OTC: variants seen among roughly 807,000 people sequenced by gnomAD.
OTC encodes ornithine transcarbamylase.
OTC carries 3 observed loss-of-function variants against 30.3 expected under a neutral mutation model. The observed-to-expected ratio is 0.10, with a 90% CI of 0.05 to 0.26. OTC has a LOEUF of 0.26. Ranked by LOEUF, OTC falls within the 10% of genes least tolerant of loss-of-function variation. The pLI is 1.00. For missense variants in OTC, 194 were observed against 260.3 expected (o/e 0.75, Z 1.75); for synonymous variants, 111 against 99.7 (o/e 1.11, Z -0.67).
At chrX:38,422,878 C>G (rs899878560), downstream of OTC, among the ~76,000 whole-genome samples, 1 of 111,691 alleles carries the variant, frequency 9.0e-6, no homozygotes, top group Admixed American at 9.5e-5. Context: ...AACGAAAATT[C>G]TAGAAATGAC....
At chrX:38,333,576 G>A in the OTC span, among the ~76,000 whole-genome samples, 4 of 112,151 alleles carry the variant, frequency 3.6e-5, no homozygotes, top group Non-Finnish European at 5.6e-5. Context: ...GTCTGACAAC[G>A]TGCACAAGTC....
intron 1 of OTC, among the ~76,000 whole-genome samples, chrX:38,361,705 A>G (rs1199017124): frequency 3.1e-5 from 3 of 96,744 alleles, no homozygotes; most frequent in Non-Finnish European, 6.8e-5. Context: ...ATTACTCTTG[A>G]TAGAGTTTTT....
chrX:38,333,880 T>C, the OTC span, among the ~76,000 whole-genome samples: 54 of 112,692 alleles, frequency 4.8e-4, no homozygotes, highest in African/African-American at 1.7e-3. Context: ...AAACAGATTC[T>C]AATTACTTCT....
chrX:38,346,066 G>A, the OTC span, among the ~76,000 whole-genome samples: 1 of 111,372 alleles, frequency 9.0e-6, no homozygotes, highest in Non-Finnish European at 1.9e-5. Context: ...TCATAATTTT[G>A]CAAAGGTGGT....
intron 9 of OTC, among the ~76,000 whole-genome samples, chrX:38,418,225 GC>G (rs1372039900): frequency 1.8e-5 from 2 of 111,436 alleles, no homozygotes; most frequent in African/African-American, 6.5e-5. Flanking sequence ...AATTTGCATT[GC>G]CCTAATGATT....
At chrX:38,405,419 C>T (rs1204956867) in intron 6 of OTC, among the ~76,000 whole-genome samples, 2 of 111,181 alleles carry the variant, frequency 1.8e-5, no homozygotes, top group African/African-American at 6.6e-5. Context: ...TTCTGGTAGC[C>T]CCAGGCATTC....
chrX:38,403,489 A>T, intron 5 of OTC, 129 bp from the exon 6 acceptor site: 1 of 676,571 alleles, frequency 1.5e-6, no homozygotes, highest in Non-Finnish European at 2.3e-6. Flanking sequence ...AATGCAAAAA[A>T]ATTGGGAATT....
chrX:38,383,200 A>G (rs1267946439), intron 4 of OTC, among the ~76,000 whole-genome samples: 1 of 111,776 alleles, frequency 8.9e-6, no homozygotes, highest in African/African-American at 3.3e-5. Flanking sequence ...TGGAGTCCAT[A>G]TAATTCATTT....
intron 3 of OTC, among the ~76,000 whole-genome samples, chrX:38,377,332 T>C (rs1327090707): frequency 1.8e-5 from 2 of 111,422 alleles, no homozygotes; most frequent in African/African-American, 6.5e-5. Context: ...AAGAGGGACA[T>C]GTACATCAAT....
upstream of OTC, among the ~76,000 whole-genome samples, chrX:38,349,387 T>C (rs1000443439): frequency 4.4e-5 from 5 of 112,579 alleles, no homozygotes; most frequent in Non-Finnish European, 9.4e-5. Flanking sequence ...ATTGTGATGG[T>C]AGTAAGAGGT....
intron 4 of OTC, among the ~76,000 whole-genome samples, chrX:38,387,307 A>G (rs2068408851): frequency 8.9e-6 from 1 of 111,996 alleles, no homozygotes. Flanking sequence ...ATCTCATTTG[A>G]AGTATTATTA....
chrX:38,397,499 G>C (rs1469776719), intron 4 of OTC, among the ~76,000 whole-genome samples: 1 of 111,820 alleles, frequency 8.9e-6, no homozygotes, highest in African/African-American at 3.2e-5. Context: ...CAAAAATCTG[G>C]TCACTAGGGA....
chrX:38,332,181 A>G, the OTC span, among the ~76,000 whole-genome samples: 1 of 109,163 alleles, frequency 9.2e-6, no homozygotes, highest in Non-Finnish European at 1.9e-5. Context: ...TCACCCCCAG[A>G]TGGGAACCCT....
At chrX:38,398,480 A>G (rs1000982312) in intron 4 of OTC, among the ~76,000 whole-genome samples, 1 of 112,026 alleles carries the variant, frequency 8.9e-6, no homozygotes, top group African/African-American at 3.2e-5. Flanking sequence ...ATGAGATTCC[A>G]GAAGGTCAAC....
chrX:38,355,244 A>T (rs936427865), intron 1 of OTC, among the ~76,000 whole-genome samples: 1 of 111,683 alleles, frequency 9.0e-6, no homozygotes, highest in African/African-American at 3.3e-5. Context: ...CAAGATCGAT[A>T]GGATCAGAAA....
Position 38,378,020 on chromosome X carries a change from A to G in OTC, c.299-3322A>G, listed in dbSNP as rs767667067. 1.4e-3 allele frequency among the ~76,000 whole-genome samples: 150 copies of G among 107,877 alleles called. 1 individual carries two copies. The highest frequency in any genetic ancestry group is 1.7e-3 in the Non-Finnish European group (87 of 52,266). The allele number at this position is 107,877 out of a possible 115,157, so 93.7% of individuals were successfully genotyped here. On this transcript the variant is annotated intron_variant, in intron 3 of 9. Transcript: ENST00000039007. ...CCAGGCTAATTTTTGTATTTTTAGT[A>G]GAGATGGGTTTCCCCATGTTGGCCA...
chrX:38,331,368 C>T, the OTC span, among the ~76,000 whole-genome samples: 2 of 104,158 alleles, frequency 1.9e-5, no homozygotes, highest in Non-Finnish European at 4.0e-5. Context: ...ATTCTCCTGC[C>T]TCAGCCTCCT....
intron 1 of OTC, among the ~76,000 whole-genome samples, chrX:38,358,378 C>A (rs1009499954): frequency 1.8e-5 from 2 of 111,001 alleles, no homozygotes; most frequent in African/African-American, 6.6e-5. Flanking sequence ...ATTTTGGAGC[C>A]AAGGGGAGGT....
chrX:38,334,018 C>T, the OTC span, among the ~76,000 whole-genome samples: 1 of 112,031 alleles, frequency 8.9e-6, no homozygotes, highest in Non-Finnish European at 1.9e-5. Flanking sequence ...CATTTTATTA[C>T]GCCAGAGAAG....
Sources: gnomAD v4.1 joint callset for allele counts (sites outside exome capture counted in the v4.1 genomes callset) on GRCh38, gnomAD v4.1.1 for gene constraint, MANE v1.5 for transcripts, NCBI Gene and HGNC (gene_info 2026-07-23, HGNC 2026-07-21) for gene names.